The following KMT2C variants were observed in gnomAD, a reference collection of about 807,000 sequenced individuals.
KMT2C encodes histone-lysine N-methyltransferase 2C.
In KMT2C, 88 loss-of-function variants were observed where a neutral mutation model predicts 507.9. That is an observed-to-expected ratio of 0.17 (90% CI 0.15 to 0.21). KMT2C has a LOEUF of 0.21. KMT2C is among the 10% of genes least tolerant of loss of function. The pLI is 1.00. For missense variants in KMT2C, 4,954 were observed against 5,957.8 expected, an observed-to-expected ratio of 0.83 and a Z score of 5.55; for synonymous variants, 2,049 against 2,080.8, an observed-to-expected ratio of 0.98 and a Z score of 0.42.
At chr7:152,364,249 T>C (rs1178412712) in intron 1 of KMT2C, among the ~76,000 whole-genome samples, 1 of 152,062 alleles carries the variant, frequency 6.6e-6, no homozygotes, top group African/African-American at 2.4e-5. Flanking sequence ...AACATGAATA[T>C]GAGAGAAACA....
At position 152,148,964 on chromosome 7, in the gene KMT2C, C is replaced by T; in HGVS notation, c.12963G>A (p.Lys4321=). The stretch of plus-strand genomic sequence containing the variant: ...TGACTGTCACCTTCAGCTCATCTGG[C>T]TTGGCCTCGACTTGGGCTGCTTCAA... ...PAFEAAQVEA[K]PDELKVTVKL... The change falls in exon 52 of 59, where the codon AAG becomes AAA. Residue 4321 remains lysine, a synonymous_variant. Coordinates refer to ENST00000262189, the MANE Select transcript of KMT2C (RefSeq NM_170606.3). The surrounding 1 kb of genome is among the most constrained non-coding windows in gnomAD (Gnocchi z 7.1). The T allele has an allele frequency of 1.3e-6, 2 of 1,599,774 alleles. No homozygotes were observed. The highest frequency in any genetic ancestry group is 1.7e-6 in the Non-Finnish European group (2 of 1,172,994).
chr7:152,312,679 C>G (rs900534996), intron 4 of KMT2C, among the ~76,000 whole-genome samples: 1 of 152,032 alleles, frequency 6.6e-6, no homozygotes, highest in Admixed American at 6.5e-5. Flanking sequence ...ATAAAGTAAA[C>G]AACATATGGG....
chr7:152,294,654 T>C (rs756220157), intron 6 of KMT2C, among the ~76,000 whole-genome samples: 48 of 152,122 alleles, frequency 3.2e-4, no homozygotes, highest in Non-Finnish European at 5.1e-4. Flanking sequence ...ACTCCCAAAA[T>C]AGAAGACTCT....
intron 34 of KMT2C, 103 bp from the exon 35 acceptor site, chr7:152,183,259 A>C (rs1588015726): frequency 1.1e-6 from 1 of 935,708 alleles, no homozygotes; most frequent in Middle Eastern, 2.8e-4. Flanking sequence ...AAAAAAAGTC[A>C]GGTAAAATAG....
chr7:152,250,380 A>C (rs2095544742), intron 12 of KMT2C, among the ~76,000 whole-genome samples: 2 of 152,140 alleles, frequency 1.3e-5, no homozygotes, highest in Admixed American at 6.5e-5. Context: ...GTTTTCCCCC[A>C]ACATGGTCTC....
intron 1 of KMT2C, among the ~76,000 whole-genome samples, chr7:152,415,484 T>C (rs200784093): frequency 1.3e-5 from 2 of 152,108 alleles, no homozygotes; most frequent in Non-Finnish European, 2.9e-5. Flanking sequence ...AAATATGTCA[T>C]ACAACAAGCT....
At position 152,252,032 on chromosome 7, in the gene KMT2C, CTTT is replaced by C; in HGVS notation, c.1525_1527del (p.Lys509del). On this transcript the variant is annotated inframe_deletion, in exon 11 of 59. Transcript: ENST00000262189. Reference sequence around the variant, plus strand: ...TTACAATACATGCAGATATACTCTTCTTTGAGCTGAGTATCCAGTTCATGATCT... The same window carrying C: ...TTACAATACATGCAGATATACTCTTCGAGCTGAGTATCCAGTTCATGATCT... 1 of 1,612,740 alleles carries C rather than the reference CTTT, an allele frequency of 6.2e-7. No homozygotes were observed. Among genetic ancestry groups the C allele is most frequent in the Non-Finnish European group, 8.5e-7 (1 of 1,179,254 alleles).
At chr7:152,209,321 GT>G (rs1331387267) in intron 23 of KMT2C, among the ~76,000 whole-genome samples, 1 of 151,758 alleles carries the variant, frequency 6.6e-6, no homozygotes, top group Non-Finnish European at 1.5e-5. Flanking sequence ...GCCAGGTGAG[GT>G]GGCTGGTGCC....
intron 2 of KMT2C, among the ~76,000 whole-genome samples, chr7:152,347,603 AGTT>A (rs2097072106): frequency 6.6e-6 from 1 of 152,192 alleles, no homozygotes; most frequent in African/African-American, 2.4e-5. Flanking sequence ...AATTTTATTC[AGTT>A]ATTATTTAAT....
intron 31 of KMT2C, 64 bp downstream of exon 31, chr7:152,193,945 A>G (rs2093886524): frequency 7.1e-7 from 1 of 1,399,590 alleles, no homozygotes; most frequent in Non-Finnish European, 9.4e-7. Context: ...TTGTGTGTGT[A>G]TATGTACCCA....
chr7:152,422,072 A>G, intron 1 of KMT2C, among the ~76,000 whole-genome samples: 1 of 152,162 alleles, frequency 6.6e-6, no homozygotes, highest in Non-Finnish European at 1.5e-5. Context: ...GCGTTAGCAT[A>G]TAAATGGGAG....
intron 6 of KMT2C, among the ~76,000 whole-genome samples, chr7:152,307,294 G>A (rs2096629184): frequency 7.5e-6 from 1 of 133,560 alleles, no homozygotes. Context: ...AGGAAGGAAG[G>A]AAGGAAGGAA....
intron 6 of KMT2C, among the ~76,000 whole-genome samples, chr7:152,298,723 A>G (rs190110173): frequency 6.6e-6 from 1 of 152,362 alleles, no homozygotes; most frequent in Non-Finnish European, 1.5e-5. Flanking sequence ...AGTGGTAACT[A>G]TATGAGCAAA....
intron 31 of KMT2C, among the ~76,000 whole-genome samples, chr7:152,192,791 G>A (rs2093842115): frequency 6.6e-6 from 1 of 152,210 alleles, no homozygotes; most frequent in African/African-American, 2.4e-5. Flanking sequence ...AAGAAAAGGA[G>A]AAGATATCCT....
At chr7:152,385,439 C>A (rs1348519597) in intron 1 of KMT2C, among the ~76,000 whole-genome samples, 3 of 133,246 alleles carry the variant, frequency 2.3e-5, no homozygotes, top group East Asian at 4.2e-4. Context: ...GGTGAAACCC[C>A]GTCTCTACTA....
intron 18 of KMT2C, among the ~76,000 whole-genome samples, chr7:152,225,638 G>T (rs556959737): frequency 6.6e-5 from 10 of 152,116 alleles, no homozygotes; most frequent in Non-Finnish European, 1.2e-4. Context: ...GTATTATAAA[G>T]AATAGGAAGA....
At chr7:152,183,179 A>C in intron 34 of KMT2C, 23 bp from the exon 35 acceptor site, 3 of 1,494,252 alleles carry the variant, frequency 2.0e-6, no homozygotes, top group Non-Finnish European at 2.7e-6. Flanking sequence ...AAGAGAAAAA[A>C]ATTTCCCAGA....
At chr7:152,384,908 G>A (rs1218288802) in intron 1 of KMT2C, among the ~76,000 whole-genome samples, 1 of 152,284 alleles carries the variant, frequency 6.6e-6, no homozygotes, top group East Asian at 1.9e-4. Flanking sequence ...TAAAATGAAG[G>A]AGTAACACAA....
At chr7:152,209,067 G>A (rs2094386482) in intron 23 of KMT2C, among the ~76,000 whole-genome samples, 1 of 151,700 alleles carries the variant, frequency 6.6e-6, no homozygotes, top group Admixed American at 6.6e-5. Context: ...GCTGAGGCAG[G>A]AGAATTGCTT....
Sources: allele counts gnomAD v4.1 joint callset (sites outside exome capture counted in the v4.1 genomes callset), GRCh38; gene constraint gnomAD v4.1.1; non-coding constraint Gnocchi (gnomAD v3.1); transcripts MANE v1.5; gene names NCBI Gene and HGNC (gene_info 2026-07-23, HGNC 2026-07-21).